The following RICTOR variants were observed in gnomAD, a reference collection of about 807,000 sequenced individuals.
RICTOR encodes the protein rapamycin-insensitive companion of mTOR.
Under a neutral mutation model 214.9 loss-of-function variants are expected in RICTOR, and 49 were observed. The ratio of observed to expected loss-of-function variants is 0.23; its 90% CI spans 0.18 to 0.29. RICTOR has a LOEUF of 0.29. RICTOR is among the 10% of genes least tolerant of loss of function. The pLI is 1.00. For synonymous variants in RICTOR, 717 were observed against 711.3 expected (o/e 1.01, Z -0.13); for missense variants, 1,625 against 2,047.0 (o/e 0.79, Z 3.98).
At chr5:39,063,875 T>C (rs1312127343) in intron 2 of RICTOR, among the ~76,000 whole-genome samples, 1 of 151,984 alleles carries the variant, frequency 6.6e-6, no homozygotes, top group Admixed American at 6.5e-5. Context: ...CGCAGATTCT[T>C]GAAAATCCAG....
chr5:38,945,594 AGT>A lies in RICTOR; in HGVS notation c.4528_4529del (p.Thr1510TrpfsTer8). On this transcript the variant is annotated frameshift_variant, in exon 34 of 38. Transcript: ENST00000357387. LOFTEE classifies it high-confidence loss of function. ...ASLFLESTED[T>X]GLQEHTDDNC... Reference sequence around the variant, plus strand: ...TATCATCTGTATGTTCCTGTAGTCCAGTGTCTTCTGTACTTTCTAAAAACAGA... The same window carrying A: ...TATCATCTGTATGTTCCTGTAGTCCAGTCTTCTGTACTTTCTAAAAACAGA... 6.2e-7 allele frequency: 1 copy of A among 1,613,942 alleles called. No homozygotes were observed. Among genetic ancestry groups the A allele is most frequent in the Non-Finnish European group, 8.5e-7 (1 of 1,179,824 alleles).
At chr5:39,039,337 A>C (rs912459884) in intron 2 of RICTOR, among the ~76,000 whole-genome samples, 18 of 152,188 alleles carry the variant, frequency 1.2e-4, no homozygotes, top group Non-Finnish European at 1.8e-4. Flanking sequence ...AAAGACTTAA[A>C]TGTTAGACCT....
intron 2 of RICTOR, among the ~76,000 whole-genome samples, chr5:39,051,198 A>G (rs1166213545): frequency 6.6e-6 from 1 of 152,230 alleles, no homozygotes; most frequent in Non-Finnish European, 1.5e-5. Context: ...TAATACCAAG[A>G]AACTACAAAT....
chr5:38,943,066 C>G (rs1024817641), intron 36 of RICTOR, 95 bp from the exon 37 acceptor site: 2 of 840,418 alleles, frequency 2.4e-6, no homozygotes, highest in Non-Finnish European at 3.8e-6. Flanking sequence ...GATTTCCCTA[C>G]AGATATGGAT....
intron 4 of RICTOR, among the ~76,000 whole-genome samples, chr5:39,003,000 T>C (rs1027313560): frequency 1.3e-5 from 2 of 152,072 alleles, no homozygotes; most frequent in Non-Finnish European, 2.9e-5. Context: ...AGCTGTACCA[T>C]TTGTGTCTCT....
At chr5:39,024,671 G>C (rs1357691933) in intron 2 of RICTOR, among the ~76,000 whole-genome samples, 1 of 152,102 alleles carries the variant, frequency 6.6e-6, no homozygotes, top group Non-Finnish European at 1.5e-5. Context: ...AGCTTGTCAG[G>C]CACCAAACAG....
At chr5:39,042,105 T>C (rs1232062437) in intron 2 of RICTOR, among the ~76,000 whole-genome samples, 1 of 152,098 alleles carries the variant, frequency 6.6e-6, no homozygotes. Context: ...CCCACAGTAA[T>C]CTGCATTTAT....
intron 2 of RICTOR, among the ~76,000 whole-genome samples, chr5:39,055,663 G>A (rs1758158316): frequency 6.6e-6 from 1 of 152,028 alleles, no homozygotes; most frequent in African/African-American, 2.4e-5. Flanking sequence ...ATAAAATTAT[G>A]CCAATTGTAA....
intron 6 of RICTOR, among the ~76,000 whole-genome samples, chr5:38,995,457 G>T (rs1482821825): frequency 6.6e-6 from 1 of 151,896 alleles, no homozygotes; most frequent in Non-Finnish European, 1.5e-5. Context: ...ATTACATACG[G>T]GGTACAGTGT....
intron 29 of RICTOR, 96 bp from the exon 30 acceptor site, chr5:38,952,521 C>A: frequency 1.3e-6 from 1 of 742,538 alleles, no homozygotes; most frequent in Admixed American, 3.3e-5. Flanking sequence ...TTTGAACTTT[C>A]TCTAAAACCC....
chr5:39,020,941 T>C, intron 3 of RICTOR, 98 bp downstream of exon 3: 1 of 728,316 alleles, frequency 1.4e-6, no homozygotes, highest in South Asian at 1.5e-5. Context: ...GCTGAGTGAA[T>C]ACACAAGAAT....
chr5:38,978,852 G>A (rs567733791), intron 8 of RICTOR, among the ~76,000 whole-genome samples: 1 of 151,828 alleles, frequency 6.6e-6, no homozygotes, highest in African/African-American at 2.4e-5. Flanking sequence ...TTTAAATTGA[G>A]GTTTAACATG....
chr5:39,017,217 A>G (rs1365444513), intron 3 of RICTOR, among the ~76,000 whole-genome samples: 3 of 152,184 alleles, frequency 2.0e-5, no homozygotes. Context: ...AAACTTGGTT[A>G]TAACAGTAAT....
chr5:39,074,185 A>G (rs780783953), intron 1 of RICTOR, 27 bp from the exon 2 acceptor site: 37 of 1,591,528 alleles, frequency 2.3e-5, no homozygotes, highest in South Asian at 4.5e-5. Flanking sequence ...CACAGCCCCA[A>G]TTAGGATTGG....
At chr5:38,991,485 C>T (rs1427241176) in intron 6 of RICTOR, among the ~76,000 whole-genome samples, 5 of 151,990 alleles carry the variant, frequency 3.3e-5, no homozygotes, top group Non-Finnish European at 7.4e-5. Context: ...ATCACCAAGT[C>T]CTACCAATTT....
At chr5:39,068,099 A>C (rs557294262) in intron 2 of RICTOR, among the ~76,000 whole-genome samples, 1 of 152,310 alleles carries the variant, frequency 6.6e-6, no homozygotes, top group South Asian at 2.1e-4. Flanking sequence ...AGGAAGCAAT[A>C]AATTCCCACT....
rs1336524256 is a variant in RICTOR at position 39,039,595 on chromosome 5, A to G, written c.98-18459T>C. Reference sequence around the variant, plus strand: ...GACAAAGGGCTAATATCCAGAATCTACAATGAAGTCAAACAAATTTACAAG... The same window carrying G: ...GACAAAGGGCTAATATCCAGAATCTGCAATGAAGTCAAACAAATTTACAAG... On this transcript the variant is annotated intron_variant, in intron 2 of 37. Coordinates refer to ENST00000357387, the MANE Select transcript of RICTOR (RefSeq NM_152756.5). 4.6e-5 allele frequency among the ~76,000 whole-genome samples: 7 copies of G among 152,360 alleles called. No homozygotes were observed. The East Asian group carries it at 1.2e-3, about 25-fold the overall frequency.
intron 3 of RICTOR, among the ~76,000 whole-genome samples, chr5:39,018,095 G>C (rs991591295): frequency 1.3e-5 from 2 of 152,008 alleles, no homozygotes; most frequent in Non-Finnish European, 2.9e-5. Context: ...TTCTATTTTA[G>C]GGTATCTCCT....
chr5:39,072,041 T>C (rs1759363032), intron 2 of RICTOR, among the ~76,000 whole-genome samples: 2 of 152,304 alleles, frequency 1.3e-5, no homozygotes, highest in South Asian at 2.1e-4. Flanking sequence ...TTTAAAACAA[T>C]AGTATCACTA....
Sources: allele counts gnomAD v4.1 joint callset (sites outside exome capture counted in the v4.1 genomes callset), GRCh38; gene constraint gnomAD v4.1.1; transcripts MANE v1.5; gene names NCBI Gene and HGNC (gene_info 2026-07-23, HGNC 2026-07-21).